Variants in DLGAP1 observed in about 807,000 individuals in gnomAD.
DLGAP1 encodes disks large-associated protein 1.
Under a neutral mutation model 90.8 loss-of-function variants are expected in DLGAP1, and 11 were observed. The observed-to-expected ratio is 0.12, with a 90% CI of 0.08 to 0.20. The LOEUF (loss-of-function observed/expected upper bound fraction) is 0.20. DLGAP1 is among the 10% of genes least tolerant of loss of function. The pLI is 1.00. For missense variants in DLGAP1, 1,050 were observed against 1,333.8 expected (o/e 0.79, Z 3.31); for synonymous variants, 558 against 540.7 (o/e 1.03, Z -0.44).
intron 3 of DLGAP1, among the ~76,000 whole-genome samples, chr18:3,881,247 T>C (rs4797126): frequency 0.39 from 59,502 of 151,738 alleles, 11,896 homozygotes; most frequent in South Asian, 0.55. Flanking sequence ...GCCCCAGCCT[T>C]CAGAGTAGCT....
At chr18:4,185,811 T>C (rs1225639074) in intron 1 of DLGAP1, among the ~76,000 whole-genome samples, 5 of 152,140 alleles carry the variant, frequency 3.3e-5, no homozygotes, top group African/African-American at 1.2e-4. Context: ...AGCAATGGGA[T>C]TGCTGGAACA....
At chr18:3,921,319 T>A (rs2072264845) in intron 3 of DLGAP1, among the ~76,000 whole-genome samples, 1 of 151,920 alleles carries the variant, frequency 6.6e-6, no homozygotes, top group African/African-American at 2.4e-5. Context: ...AGAAAAAAAA[T>A]AAATGGGTAT....
chr18:4,099,932 G>C (rs1044167004), intron 2 of DLGAP1, among the ~76,000 whole-genome samples: 1 of 151,866 alleles, frequency 6.6e-6, no homozygotes. Context: ...TGTCTATGCT[G>C]GTCTTAAACT....
chr18:3,620,801 G>T (rs1188140744), intron 7 of DLGAP1, among the ~76,000 whole-genome samples: 9 of 152,066 alleles, frequency 5.9e-5, no homozygotes, highest in South Asian at 2.1e-4. Flanking sequence ...CAGGTGATCC[G>T]CCCACCTCGG....
At position 3,814,019 on chromosome 18, in the gene DLGAP1, G is replaced by A. The variant is rs780398561; in HGVS notation, c.1172+40C>T. The A allele has an allele frequency of 2.5e-6, 4 of 1,590,498 alleles. No homozygotes were observed. The East Asian group carries it at 6.7e-5, about 27-fold the overall frequency. ...CATCTGAGCCTCGGTGATAATACAA[G>A]CACCTGGACTATCGCAAGTGCAGGG... On this transcript the variant is annotated intron_variant, in intron 5 of 12. Coordinates refer to ENST00000315677, the MANE Select transcript of DLGAP1 (RefSeq NM_004746.4).
intron 7 of DLGAP1, among the ~76,000 whole-genome samples, chr18:3,674,294 A>ATATATATATATATATATATAT (rs1555623961): frequency 4.7e-5 from 2 of 42,264 alleles, no homozygotes; most frequent in African/African-American, 1.4e-4. Flanking sequence ...CTATAATATT[A>ATATATATATATATATATATAT]AAATATATAT....
chr18:4,293,456 T>C (rs966210137), intron 1 of DLGAP1: 4 of 152,252 alleles, frequency 2.6e-5, no homozygotes, highest in Non-Finnish European at 5.9e-5. Context: ...CAGATTAAAC[T>C]GCACTCCAAA....
chr18:3,683,475 T>G (rs1328708692), intron 7 of DLGAP1, among the ~76,000 whole-genome samples: 1 of 152,204 alleles, frequency 6.6e-6, no homozygotes, highest in Non-Finnish European at 1.5e-5. Flanking sequence ...TCCAAATCTA[T>G]CAAGAGAGAA....
chr18:3,980,347 T>G (rs2073699773), intron 3 of DLGAP1, among the ~76,000 whole-genome samples: 1 of 151,986 alleles, frequency 6.6e-6, no homozygotes, highest in Non-Finnish European at 1.5e-5. Context: ...AGTTCCAAAC[T>G]GGAGCATAGA....
intron 1 of DLGAP1, among the ~76,000 whole-genome samples, chr18:4,195,991 A>G (rs12963841): frequency 0.21 from 32,513 of 152,142 alleles, 4,296 homozygotes; most frequent in East Asian, 0.44. Context: ...TGTAATCATC[A>G]GTTGGTTAGC....
intron 2 of DLGAP1, among the ~76,000 whole-genome samples, chr18:4,064,603 A>G (rs999156628): frequency 4.6e-5 from 7 of 152,106 alleles, no homozygotes; most frequent in Non-Finnish European, 1.0e-4. Flanking sequence ...GAAGAAATGG[A>G]TAAATTCATG....
chr18:4,446,274 C>A (rs1296779408), intron 1 of DLGAP1, among the ~76,000 whole-genome samples: 2 of 152,142 alleles, frequency 1.3e-5, no homozygotes, highest in African/African-American at 2.4e-5. Flanking sequence ...GGGATTGTTG[C>A]TCTTTTGGGG....
At chr18:4,090,483 A>G (rs1272861632) in intron 2 of DLGAP1, among the ~76,000 whole-genome samples, 3 of 152,252 alleles carry the variant, frequency 2.0e-5, no homozygotes, top group Non-Finnish European at 4.4e-5. Flanking sequence ...GCTAACAAAC[A>G]TATGAAAAGA....
At chr18:3,859,473 G>C (rs901194280) in intron 4 of DLGAP1, among the ~76,000 whole-genome samples, 1 of 152,168 alleles carries the variant, frequency 6.6e-6, no homozygotes, top group African/African-American at 2.4e-5. Context: ...ATAGCAGAAG[G>C]GACTTCACAG....
chr18:4,432,500 T>C (rs1027252367), intron 1 of DLGAP1, among the ~76,000 whole-genome samples: 1 of 146,342 alleles, frequency 6.8e-6, no homozygotes, highest in East Asian at 2.0e-4. Context: ...TTAAAAATTA[T>C]ATATATTTAC....
chr18:4,437,779 T>C (rs2083437555), intron 1 of DLGAP1, among the ~76,000 whole-genome samples: 1 of 146,578 alleles, frequency 6.8e-6, no homozygotes, highest in Admixed American at 7.0e-5. Flanking sequence ...TTGCTTCTTA[T>C]AATCTCTGAA....
intron 2 of DLGAP1, among the ~76,000 whole-genome samples, chr18:4,032,239 G>A (rs1313770282): frequency 1.3e-5 from 2 of 152,276 alleles, no homozygotes; most frequent in Middle Eastern, 3.4e-3. Flanking sequence ...ATCACCCACA[G>A]ACCTAAGGGA....
chr18:3,872,215 C>G (rs1384419569), intron 4 of DLGAP1, among the ~76,000 whole-genome samples: 2 of 133,520 alleles, frequency 1.5e-5, no homozygotes, highest in Non-Finnish European at 3.1e-5. Flanking sequence ...CACGTGAGTG[C>G]TCTCCAAGAC....
intron 6 of DLGAP1, among the ~76,000 whole-genome samples, chr18:3,733,614 G>A (rs1053342015): frequency 6.6e-6 from 1 of 152,146 alleles, no homozygotes; most frequent in Non-Finnish European, 1.5e-5. Flanking sequence ...GGGTCTATCA[G>A]GGATGTAATC....
Sources: gnomAD v4.1 joint callset for allele counts (sites outside exome capture counted in the v4.1 genomes callset) on GRCh38, gnomAD v4.1.1 for gene constraint, MANE v1.5 for transcripts, NCBI Gene and HGNC (gene_info 2026-07-23, HGNC 2026-07-21) for gene names.